The following FREM2 variants were observed in gnomAD, a reference collection of about 807,000 sequenced individuals.
The protein encoded by FREM2 is FRAS1 related extracellular matrix 2, also known as FRAS1-related extracellular matrix protein 2.
FREM2 carries 119 observed loss-of-function variants against 219.9 expected under a neutral mutation model. The observed-to-expected ratio is 0.54, with a 90% CI of 0.47 to 0.63. The LOEUF (loss-of-function observed/expected upper bound fraction) is 0.63. Ranked by LOEUF, FREM2 falls within the 30% of genes least tolerant of loss-of-function variation. The probability of loss-of-function intolerance (pLI) is 0.00; values close to 1 mark genes in which losing one functional copy is unlikely to be tolerated. For missense variants in FREM2, 4,030 were observed against 3,993.6 expected, an observed-to-expected ratio of 1.01 and a Z score of -0.25; for synonymous variants, 1,562 against 1,522.8, an observed-to-expected ratio of 1.03 and a Z score of -0.60.
rs1017554850 is a variant in FREM2, at chr13:38,697,733, A to G, written c.5209A>G (p.Arg1737Gly). ...IDDMKICYVL[R>G]EGANATSDMF... The stretch of plus-strand genomic sequence containing the variant: ...TGACATGAAAATATGCTATGTCTTA[A>G]GAGAAGGGGCTAATGCCACAAGTGA... The change falls in exon 2 of 24, where the codon AGA becomes GGA. Residue 1737 changes from arginine to glycine, a missense_variant. Coordinates refer to ENST00000280481, the MANE Select transcript of FREM2 (RefSeq NM_207361.6). The G allele has an allele frequency of 2.5e-6, 4 of 1,609,762 alleles. No individual in the cohort carries two copies. In the Admixed American group the frequency reaches 5.0e-5, roughly 20 times the overall value.
rs554137383 is a variant in FREM2 at position 38,707,150 on chromosome 13, A to T, written c.5263+9363A>T. 1.7e-4 allele frequency among the ~76,000 whole-genome samples: 26 copies of T among 152,318 alleles called. No homozygotes were observed. In the South Asian group the frequency reaches 5.2e-3, roughly 30 times the overall value. ...ATTGCCAAGTGGCTGCATATAAGCA[A>T]TGTTTCACTGAGGGAATATTATGTT... On this transcript the variant is annotated intron_variant, in intron 2 of 23. Coordinates refer to ENST00000280481, the MANE Select transcript of FREM2 (RefSeq NM_207361.6).
At chr13:38,781,308 T>C (rs369592433) in intron 4 of FREM2, among the ~76,000 whole-genome samples, 2 of 152,204 alleles carry the variant, frequency 1.3e-5, no homozygotes, top group Admixed American at 6.5e-5. Context: ...CCTTCCAATC[T>C]CAGCTCAAAT....
At chr13:38,753,558 AG>A (rs1872863838) in intron 2 of FREM2, among the ~76,000 whole-genome samples, 1 of 152,236 alleles carries the variant, frequency 6.6e-6, no homozygotes, top group Non-Finnish European at 1.5e-5. Context: ...GTTCTTATTT[AG>A]AATACAGTGT....
chr13:38,690,582 G>A lies in FREM2; in HGVS notation c.3238G>A (p.Gly1080Ser). The change falls in exon 1 of 24, where the codon GGT becomes AGT. Residue 1080 changes from glycine to serine, a missense_variant. Coordinates refer to ENST00000280481, the MANE Select transcript of FREM2 (RefSeq NM_207361.6). The stretch of plus-strand genomic sequence containing the variant: ...AGGTGAACAGTTGATAGTAATGGAA[G>A]GTGATAAAAGTGTTATAACATCAGT... ...FVGEQLIVME[G>S]DKSVITSVHI... is the part of the protein sequence containing the mutation. 1 of 1,614,126 alleles carries A rather than the reference G, an allele frequency of 6.2e-7. No homozygotes were observed. The highest frequency in any genetic ancestry group is 8.5e-7 in the Non-Finnish European group (1 of 1,180,046).
At chr13:38,802,294 A>G (rs892434158) in intron 6 of FREM2, among the ~76,000 whole-genome samples, 1 of 152,118 alleles carries the variant, frequency 6.6e-6, no homozygotes, top group Non-Finnish European at 1.5e-5. Flanking sequence ...TGTGGGATGC[A>G]TGGTTTCCTT....
chr13:38,699,332 A>G (rs1870250008), intron 2 of FREM2, among the ~76,000 whole-genome samples: 1 of 152,022 alleles, frequency 6.6e-6, no homozygotes, highest in Admixed American at 6.5e-5. Context: ...ACACACACAC[A>G]TTATTTTACC....
Position 38,847,760 on chromosome 13 carries a change from T to C in FREM2, c.6170-701T>C, listed in dbSNP as rs1436757360. On this transcript the variant is annotated intron_variant, in intron 7 of 23. Transcript: ENST00000280481. ...GAAAACAAAGAAAGAAGAAATATTA[T>C]CGATCTGTTGCCCACCACTGTCAAT... Among the ~76,000 whole-genome samples the C allele has an allele frequency of 2.6e-5, 4 of 152,282 alleles. No homozygotes were observed. The East Asian group carries it at 7.7e-4, about 29-fold the overall frequency.
rs112586863 is a variant in FREM2 at position 38,831,776 on chromosome 13, A to ATT, written c.6020-14784_6020-14783dup. ...AGGTGTGCACCTCATGCCAGACTGAATTTTTTTTTTTTTTGGTATTTTTAG... is the reference window on the plus strand; with the variant it reads ...AGGTGTGCACCTCATGCCAGACTGAATTTTTTTTTTTTTTTTGGTATTTTTAG... On this transcript the variant is annotated intron_variant, in intron 6 of 23. Coordinates refer to ENST00000280481, the MANE Select transcript of FREM2 (RefSeq NM_207361.6). Among the ~76,000 whole-genome samples, 278 of 142,360 alleles carry ATT rather than the reference A, an allele frequency of 2.0e-3. 1 individual carries two copies. The highest frequency in any genetic ancestry group is 3.0e-3 in the East Asian group (14 of 4,690). The allele number at this position is 142,360 out of a possible 152,430, so 93.4% of individuals were successfully genotyped here. A position where few individuals can be genotyped will look rare whatever the true frequency, so the allele number is the denominator to read the frequency against.
chr13:38,780,003 G>C (rs539079269), intron 4 of FREM2, among the ~76,000 whole-genome samples: 1 of 152,088 alleles, frequency 6.6e-6, no homozygotes, highest in Non-Finnish European at 1.5e-5. Context: ...TGAATCCCTA[G>C]ATCCATTCTC....
chr13:38,780,997 G>A (rs1874095167), intron 4 of FREM2, among the ~76,000 whole-genome samples: 1 of 152,186 alleles, frequency 6.6e-6, no homozygotes. Flanking sequence ...TGAATAAACA[G>A]CACTTGCTTG....
At chr13:38,763,418 G>T (rs971721663) in intron 2 of FREM2, among the ~76,000 whole-genome samples, 4 of 138,976 alleles carry the variant, frequency 2.9e-5, no homozygotes, top group African/African-American at 5.2e-5. Context: ...GCAAAGAGAA[G>T]AAACTAGAAT....
intron 16 of FREM2, among the ~76,000 whole-genome samples, chr13:38,865,449 A>T (rs941223982): frequency 6.6e-5 from 10 of 152,362 alleles, no homozygotes; most frequent in Non-Finnish European, 1.2e-4. Context: ...GAGTTACATA[A>T]GTAGGTTTAT....
intron 16 of FREM2, 24 bp from the exon 17 acceptor site, chr13:38,872,718 A>G (rs753527735): frequency 1.3e-5 from 21 of 1,604,980 alleles, no homozygotes; most frequent in East Asian, 1.1e-4. Context: ...AGTCATGTTG[A>G]TTGATGTAAT....
intron 2 of FREM2, among the ~76,000 whole-genome samples, chr13:38,745,152 A>T (rs879808991): frequency 6.6e-6 from 1 of 152,214 alleles, no homozygotes; most frequent in African/African-American, 2.4e-5. Flanking sequence ...TAGTATATAG[A>T]ATAGAATCTG....
At chr13:38,705,836 C>T (rs996349605) in intron 2 of FREM2, among the ~76,000 whole-genome samples, 1 of 151,892 alleles carries the variant, frequency 6.6e-6, no homozygotes, top group African/African-American at 2.4e-5. Context: ...TCTTTTCTTC[C>T]TTTCTTCCTT....
At position 38,857,986 on chromosome 13, in the gene FREM2, A is replaced by G; in HGVS notation, c.7168A>G (p.Lys2390Glu). 6.2e-7 allele frequency: 1 copy of G among 1,614,090 alleles called. No homozygotes were observed. The highest frequency in any genetic ancestry group is 1.3e-5 in the African/African-American group (1 of 75,056). Reference sequence around the variant, plus strand: ...GATGTATGACGACACTTCCAAAGCTAAGGAGAGTGCTGAACCCATGTCTGG... The same window carrying G: ...GATGTATGACGACACTTCCAAAGCTGAGGAGAGTGCTGAACCCATGTCTGG... ...LLMYDDTSKA[K>E]ESAEPMSGYP... Residue 2390 changes from lysine to glutamate, a missense_variant, in exon 13 of 24, where the codon AAG (lysine) becomes GAG (glutamate). Lys to Glu is a moderately conservative substitution (Grantham distance 56). Around this residue, in one of 2 missense-constraint regions of FREM2, gnomAD observed 928 missense variants for 1,042.9 expected, o/e 0.89. Coordinates refer to ENST00000280481, the MANE Select transcript of FREM2 (RefSeq NM_207361.6).
At position 38,864,341 on chromosome 13, in the gene FREM2, C is replaced by T. The variant is rs1300177035; in HGVS notation, c.7718C>T (p.Thr2573Ile). 2.5e-6 allele frequency: 4 copies of T among 1,614,194 alleles called. No individual in the cohort carries two copies. Among genetic ancestry groups the T allele is most frequent in the South Asian group, 1.1e-5 (1 of 91,080 alleles). The change falls in exon 16 of 24, where the codon ACA (threonine) becomes ATA (isoleucine). Residue 2573 changes from threonine (T) to isoleucine (I), a missense_variant. Around this residue, in one of 2 missense-constraint regions of FREM2, gnomAD observed 928 missense variants for 1,042.9 expected, o/e 0.89. Transcript: ENST00000280481. ...GAGCTCACCCTCAGCCCTGATGGCA[C>T]AAGAGTTGGAAACCACAAGTGCTCC... Reference protein sequence around the residue: ...NFELTLSPDGTRVGNHKCSNL... With the variant: ...NFELTLSPDGIRVGNHKCSNL...
intron 6 of FREM2, among the ~76,000 whole-genome samples, chr13:38,799,617 A>G (rs564244868): frequency 6.6e-6 from 1 of 151,982 alleles, no homozygotes; most frequent in East Asian, 1.9e-4. Context: ...AGACCTAGTA[A>G]TATTTATTTT....
intron 6 of FREM2, among the ~76,000 whole-genome samples, chr13:38,789,796 A>G (rs1394980275): frequency 1.3e-5 from 2 of 149,294 alleles, no homozygotes; most frequent in Non-Finnish European, 3.0e-5. Flanking sequence ...TTCTTCATAT[A>G]GTTTCTTTTT....
Sources: allele counts gnomAD v4.1 joint callset (sites outside exome capture counted in the v4.1 genomes callset), GRCh38; gene constraint gnomAD v4.1.1; regional missense constraint gnomAD v4.1.1; transcripts MANE v1.5; gene names NCBI Gene and HGNC (gene_info 2026-07-23, HGNC 2026-07-21).